Variants in BMPER observed in about 807,000 individuals in gnomAD.
BMPER encodes the protein BMP-binding endothelial regulator protein.
In BMPER, 45 loss-of-function variants were observed where a neutral mutation model predicts 87.3. That is an observed-to-expected ratio of 0.52 (90% CI 0.41 to 0.66). BMPER has a LOEUF of 0.66. Among genes scored for constraint, BMPER ranks in the 30% least tolerant of loss-of-function variants. BMPER has a pLI of 0.00. For missense variants in BMPER, 784 were observed against 867.5 expected (o/e 0.90, Z 1.21); for synonymous variants, 326 against 316.2 (o/e 1.03, Z -0.33).
rs146801497 is a variant in BMPER at position 34,143,201 on chromosome 7, T to A, written c.1746-29T>A. On this transcript the variant is annotated intron_variant, in intron 13 of 14. Transcript: ENST00000649409. The stretch of plus-strand genomic sequence containing the variant: ...GTGTTTATGGTTTGATATTTTTAAA[T>A]GTTTCTATCTCTCTTTTGGGTCCTA... 1,519 of 1,613,390 alleles carry A rather than the reference T, an allele frequency of 9.4e-4. 4 individuals are homozygous for A. The highest frequency in any genetic ancestry group is 6.7e-4 in the Non-Finnish European group (794 of 1,179,578).
intron 2 of BMPER, among the ~76,000 whole-genome samples, chr7:33,912,347 C>T (rs1783986206): frequency 6.6e-6 from 1 of 152,158 alleles, no homozygotes; most frequent in Non-Finnish European, 1.5e-5. Context: ...GCTCTCGACC[C>T]CTTTCCAGAA....
chr7:33,914,000 T>C (rs6971936), intron 2 of BMPER, among the ~76,000 whole-genome samples: 45,358 of 148,406 alleles, frequency 0.31, 7,757 homozygotes, highest in African/African-American at 0.44. Context: ...CTCGCTCAGT[T>C]GCCCAGGCTG....
intron 6 of BMPER, among the ~76,000 whole-genome samples, chr7:33,977,963 G>A (rs1033666309): frequency 6.6e-6 from 1 of 152,140 alleles, no homozygotes; most frequent in Middle Eastern, 3.2e-3. Flanking sequence ...GTGCGGAGGG[G>A]AGACAAGGAT....
At chr7:34,109,914 C>A (rs1333790136) in intron 13 of BMPER, among the ~76,000 whole-genome samples, 2 of 152,150 alleles carry the variant, frequency 1.3e-5, no homozygotes, top group Admixed American at 6.5e-5. Flanking sequence ...AATCTCTTTC[C>A]CCTTGAGAAT....
intron 13 of BMPER, among the ~76,000 whole-genome samples, chr7:34,141,856 G>A (rs1018218565): frequency 6.6e-6 from 1 of 152,066 alleles, no homozygotes; most frequent in Non-Finnish European, 1.5e-5. Context: ...TGGGTCTGTT[G>A]CTCCTTGAAT....
chr7:34,098,291 C>T (rs981133471), intron 13 of BMPER, among the ~76,000 whole-genome samples: 1 of 152,086 alleles, frequency 6.6e-6, no homozygotes, highest in Non-Finnish European at 1.5e-5. Context: ...CTGTGCAGAG[C>T]TGCCCAAATT....
intron 6 of BMPER, among the ~76,000 whole-genome samples, chr7:33,977,759 C>A (rs1021667230): frequency 8.5e-5 from 13 of 152,192 alleles, no homozygotes; most frequent in African/African-American, 2.9e-4. Context: ...TCTATACACA[C>A]ATATATAAAA....
intron 6 of BMPER, among the ~76,000 whole-genome samples, chr7:33,999,810 G>A (rs548647593): frequency 6.6e-6 from 1 of 152,328 alleles, no homozygotes; most frequent in Non-Finnish European, 1.5e-5. Context: ...GCCATAGAGA[G>A]CACATCTTAT....
Position 34,050,883 on chromosome 7 carries a change from A to T in BMPER, c.677-978A>T, listed in dbSNP as rs559346123. On this transcript the variant is annotated intron_variant, in intron 7 of 14. Transcript: ENST00000649409. ...ATACTATGCCTATGAAAGGCTGGAC[A>T]CTCGACATGTACCTCTGCGTGCCCT... Among the ~76,000 whole-genome samples, 6 of 152,256 alleles carry T rather than the reference A, an allele frequency of 3.9e-5. No individual in the cohort carries two copies. The East Asian group carries it at 1.2e-3, about 29-fold the overall frequency.
At chr7:33,949,480 T>A (rs1303780630) in intron 3 of BMPER, among the ~76,000 whole-genome samples, 2 of 152,148 alleles carry the variant, frequency 1.3e-5, no homozygotes, top group East Asian at 3.9e-4. Flanking sequence ...TCTAACCAAA[T>A]AGGAGTCTCT....
chr7:34,069,820 C>G (rs576338461), intron 11 of BMPER, among the ~76,000 whole-genome samples: 8 of 152,230 alleles, frequency 5.3e-5, no homozygotes, highest in African/African-American at 1.9e-4. Context: ...CAGTTGTAAC[C>G]TTTGCTGGGA....
At chr7:34,043,697 C>G (rs973157000) in intron 6 of BMPER, among the ~76,000 whole-genome samples, 1 of 151,948 alleles carries the variant, frequency 6.6e-6, no homozygotes, top group Non-Finnish European at 1.5e-5. Flanking sequence ...TGCTGTATCC[C>G]CAGGATATGA....
intron 6 of BMPER, among the ~76,000 whole-genome samples, chr7:34,028,057 A>G (rs957120025): frequency 6.6e-6 from 1 of 152,098 alleles, no homozygotes; most frequent in African/African-American, 2.4e-5. Context: ...TTATATTGGT[A>G]TAATATCAAA....
At chr7:34,024,381 A>T (rs1377496547) in intron 6 of BMPER, among the ~76,000 whole-genome samples, 3 of 65,950 alleles carry the variant, frequency 4.5e-5, no homozygotes, top group African/African-American at 8.1e-5. Flanking sequence ...AAAAAAAAAA[A>T]ACAATATATA....
intron 13 of BMPER, among the ~76,000 whole-genome samples, chr7:34,090,895 T>G (rs188765384): frequency 3.0e-4 from 45 of 152,354 alleles, no homozygotes; most frequent in East Asian, 1.7e-3. Flanking sequence ...CCCTGTTCAC[T>G]TGTTCAGTTT....
At chr7:33,926,306 G>GT (rs376769633) in intron 2 of BMPER, among the ~76,000 whole-genome samples, 128 of 152,258 alleles carry the variant, frequency 8.4e-4, no homozygotes, top group African/African-American at 3.0e-3. Context: ...ATAGCCATTT[G>GT]TTTTTCTGCA....
intron 8 of BMPER, 63 bp downstream of exon 8, chr7:34,052,033 C>G: frequency 7.2e-7 from 1 of 1,387,360 alleles, no homozygotes; most frequent in Non-Finnish European, 1.0e-6. Flanking sequence ...GTGTTAACAT[C>G]ACAGCCATAG....
chr7:34,032,126 T>C (rs1218526227), intron 6 of BMPER, among the ~76,000 whole-genome samples: 1 of 151,498 alleles, frequency 6.6e-6, no homozygotes, highest in Non-Finnish European at 1.5e-5. Context: ...TGAGACTGAA[T>C]ACTATTGTTC....
At chr7:34,144,834 G>A (rs1026107565) in intron 14 of BMPER, among the ~76,000 whole-genome samples, 3 of 152,292 alleles carry the variant, frequency 2.0e-5, no homozygotes, top group Admixed American at 6.5e-5. Flanking sequence ...TTTTCAGCAT[G>A]CTACCCTAGT....
Sources: gnomAD v4.1 joint callset for allele counts (sites outside exome capture counted in the v4.1 genomes callset) on GRCh38, gnomAD v4.1.1 for gene constraint, MANE v1.5 for transcripts, NCBI Gene and HGNC (gene_info 2026-07-23, HGNC 2026-07-21) for gene names.